The following SMNDC1 variants were observed in gnomAD, a reference collection of about 807,000 sequenced individuals.
SMNDC1 encodes the protein survival of motor neuron-related-splicing factor 30.
Under a neutral mutation model 29.2 loss-of-function variants are expected in SMNDC1, and 5 were observed. The observed-to-expected ratio is 0.17, with a 90% CI of 0.09 to 0.36. The LOEUF (loss-of-function observed/expected upper bound fraction) is 0.36. SMNDC1 is among the 10% of genes least tolerant of loss of function. The pLI is 1.00. For synonymous variants in SMNDC1, 80 were observed against 89.9 expected, an observed-to-expected ratio of 0.89 and a Z score of 0.62; for missense variants, 142 against 268.5, an observed-to-expected ratio of 0.53 and a Z score of 3.29.
chr10:110,298,872 G>C, intron 2 of SMNDC1, 82 bp from the exon 3 acceptor site: 1 of 955,032 alleles, frequency 1.0e-6, no homozygotes, highest in Non-Finnish European at 1.6e-6. Flanking sequence ...CCTTCATACT[G>C]TACGTTAAGT....
At chr10:110,298,042 G>T (rs1266413850) in intron 3 of SMNDC1, among the ~76,000 whole-genome samples, 1 of 152,154 alleles carries the variant, frequency 6.6e-6, no homozygotes, top group Non-Finnish European at 1.5e-5. Flanking sequence ...AGGCTGGAGT[G>T]CAGTAGTGCA....
intron 2 of SMNDC1, chr10:110,300,720 G>T: frequency 2.0e-6 from 2 of 985,366 alleles, no homozygotes; most frequent in Non-Finnish European, 2.4e-6. Context: ...AAGGCGTTTC[G>T]GGGATGCAGA....
At chr10:110,295,633 T>C (rs1857553632) in intron 4 of SMNDC1, among the ~76,000 whole-genome samples, 1 of 137,114 alleles carries the variant, frequency 7.3e-6, no homozygotes, top group Non-Finnish European at 1.6e-5. Context: ...ATATTTCAAC[T>C]ATGCCTTTTT....
At chr10:110,297,829 A>C (rs1180807157) in intron 3 of SMNDC1, 101 bp from the exon 4 acceptor site, 1 of 1,003,700 alleles carries the variant, frequency 1.0e-6, no homozygotes, top group Non-Finnish European at 1.4e-6. Flanking sequence ...GTCTATAATG[A>C]AACTTCTATA....
At chr10:110,302,652 G>A (rs570090171) in intron 2 of SMNDC1, among the ~76,000 whole-genome samples, 2 of 152,204 alleles carry the variant, frequency 1.3e-5, no homozygotes, top group African/African-American at 4.8e-5. Context: ...AAACACCCTT[G>A]AAACTTTTTA....
At chr10:110,300,804 CT>C in intron 2 of SMNDC1, 1 of 725,912 alleles carries the variant, frequency 1.4e-6, no homozygotes, top group Non-Finnish European at 1.7e-6. Context: ...GCAAAACAGC[CT>C]AATAAATTGA....
chr10:110,302,867 T>C (rs1368121300), intron 2 of SMNDC1, among the ~76,000 whole-genome samples: 1 of 152,202 alleles, frequency 6.6e-6, no homozygotes, highest in Non-Finnish European at 1.5e-5. Flanking sequence ...AAGATCTCCT[T>C]TTCACCACAT....
intron 5 of SMNDC1, 23 bp from the exon 6 acceptor site, chr10:110,294,310 C>T: frequency 1.3e-6 from 2 of 1,558,270 alleles, no homozygotes; most frequent in Non-Finnish European, 1.7e-6. Flanking sequence ...AAACAGAAAT[C>T]ATTCCTGATT....
intron 2 of SMNDC1, among the ~76,000 whole-genome samples, chr10:110,299,547 C>T (rs919185754): frequency 7.9e-5 from 12 of 152,036 alleles, no homozygotes; most frequent in African/African-American, 2.9e-4. Flanking sequence ...GTAGGGATGG[C>T]TAAAAAATTG....
chr10:110,297,438 G>A (rs1218805720), intron 4 of SMNDC1, 129 bp downstream of exon 4: 1 of 806,008 alleles, frequency 1.2e-6, no homozygotes, highest in Non-Finnish European at 2.0e-6. Flanking sequence ...TTGACCCTTT[G>A]TTGCTAATCT....
intron 2 of SMNDC1, among the ~76,000 whole-genome samples, chr10:110,299,583 GCTAC>G (rs1315895224): frequency 6.6e-6 from 1 of 152,156 alleles, no homozygotes; most frequent in Non-Finnish European, 1.5e-5. Flanking sequence ...GACAGATTCT[GCTAC>G]CTGTCTACTA....
Position 110,304,916 on chromosome 10 carries a change from G to C in SMNDC1, c.-169C>G, listed in dbSNP as rs972268699. Reference sequence around the variant, plus strand: ...TCGGTCGGCGGCGAGGGGGAAGGGAGGAACGCCGGGCACTGGAAGGAGGAA... The same window carrying C: ...TCGGTCGGCGGCGAGGGGGAAGGGACGAACGCCGGGCACTGGAAGGAGGAA... On this transcript the variant is annotated 5_prime_UTR_variant, in exon 1 of 6. Transcript: ENST00000369603. 1 of 152,422 alleles carries C rather than the reference G, an allele frequency of 6.6e-6. No homozygotes were observed. The highest frequency in any genetic ancestry group is 2.4e-5 in the African/African-American group (1 of 41,458). 9.4% of individuals were successfully genotyped at this position (152,422 alleles called of 1,614,324 possible).
Position 110,291,917 on chromosome 10 carries a change from A to AGGG in SMNDC1, c.*2230_*2232dup, listed in dbSNP as rs901356423. On this transcript the variant is annotated 3_prime_UTR_variant, in exon 6 of 6. Coordinates refer to ENST00000369603, the MANE Select transcript of SMNDC1 (RefSeq NM_005871.4). Reference sequence around the variant, plus strand: ...AAGTTACATGCAACCATTTCTACTTAGGGGCCCATAACTCAATATTTAACA... The same window carrying AGGG: ...AAGTTACATGCAACCATTTCTACTTAGGGGGGGCCCATAACTCAATATTTAACA... 3.3e-5 allele frequency: 5 copies of AGGG among 152,214 alleles called. No homozygotes were observed. Among genetic ancestry groups the AGGG allele is most frequent in the African/African-American group, 1.2e-4 (5 of 41,462 alleles). The allele number at this position is 152,214 out of a possible 1,614,324, so 9.4% of individuals were successfully genotyped here.
chr10:110,301,990 CA>C (rs1857657274), intron 2 of SMNDC1, among the ~76,000 whole-genome samples: 1 of 152,202 alleles, frequency 6.6e-6, no homozygotes, highest in Non-Finnish European at 1.5e-5. Context: ...ACCAGTTCAA[CA>C]AATACCCCTC....
At chr10:110,303,365 C>T in intron 2 of SMNDC1, 103 bp downstream of exon 2, 2 of 973,322 alleles carry the variant, frequency 2.1e-6, no homozygotes, top group Non-Finnish European at 3.0e-6. Context: ...TACATATATA[C>T]ATAGGGTGGG....
In SMNDC1 at chr10:110,294,307, A is replaced by C; in HGVS notation, c.580-20T>G. 1 of 1,561,246 alleles carries C rather than the reference A, an allele frequency of 6.4e-7. No homozygotes were observed. The highest frequency in any genetic ancestry group is 1.4e-5 in the African/African-American group (1 of 71,282). Reference sequence around the variant, plus strand: ...CTTTACCTAAGGGAAAGAAAACAGAAATCATTCCTGATTAGTGTTGGAAAA... The same window carrying C: ...CTTTACCTAAGGGAAAGAAAACAGACATCATTCCTGATTAGTGTTGGAAAA... On this transcript the variant is annotated intron_variant, in intron 5 of 5. Transcript: ENST00000369603.
chr10:110,301,688 T>C (rs1261322446), intron 2 of SMNDC1, among the ~76,000 whole-genome samples: 2 of 152,186 alleles, frequency 1.3e-5, no homozygotes, highest in Non-Finnish European at 2.9e-5. Context: ...AACATTTCCA[T>C]CATCACAGAA....
chr10:110,297,323 G>A (rs1362153589), intron 4 of SMNDC1, among the ~76,000 whole-genome samples: 1 of 152,102 alleles, frequency 6.6e-6, no homozygotes, highest in Non-Finnish European at 1.5e-5. Flanking sequence ...AAAATATGCT[G>A]GGAAGATGTT....
chr10:110,293,281 C>T lies in SMNDC1; in HGVS notation c.*869G>A, dbSNP rs1205525188. ...ACATAATATACAGGGAAATTATCGTCAGATTAATGCACAAGAAATACAAGA... is the reference window on the plus strand; with the variant it reads ...ACATAATATACAGGGAAATTATCGTTAGATTAATGCACAAGAAATACAAGA... On this transcript the variant is annotated 3_prime_UTR_variant, in exon 6 of 6. Coordinates refer to ENST00000369603, the MANE Select transcript of SMNDC1 (RefSeq NM_005871.4). The T allele has an allele frequency of 1.3e-5, 2 of 152,528 alleles. No homozygotes were observed. The highest frequency in any genetic ancestry group is 3.8e-4 in the East Asian group (2 of 5,200). 9.4% of individuals were successfully genotyped at this position (152,528 alleles called of 1,614,324 possible). A position where few individuals can be genotyped will look rare whatever the true frequency, so the allele number is the denominator to read the frequency against.
Sources: gnomAD v4.1 joint callset for allele counts (sites outside exome capture counted in the v4.1 genomes callset) on GRCh38, gnomAD v4.1.1 for gene constraint, MANE v1.5 for transcripts, NCBI Gene and HGNC (gene_info 2026-07-23, HGNC 2026-07-21) for gene names.